Variants in PACRG observed in about 807,000 individuals in gnomAD.
PACRG encodes parkin coregulated gene protein.
In PACRG, 29 loss-of-function variants were observed where a neutral mutation model predicts 29.7. The ratio of observed to expected loss-of-function variants is 0.98; its 90% CI spans 0.73 to 1.33. PACRG has a LOEUF of 1.33. Among genes scored for constraint, PACRG ranks in the 40% most tolerant of loss-of-function variants. The pLI is 0.00. For synonymous variants in PACRG, 116 were observed against 118.7 expected (o/e 0.98, Z 0.15); for missense variants, 279 against 316.2 (o/e 0.88, Z 0.89).
chr6:163,113,813 A>G (rs1470515977), intron 4 of PACRG, among the ~76,000 whole-genome samples: 1 of 152,210 alleles, frequency 6.6e-6, no homozygotes, highest in African/African-American at 2.4e-5. Context: ...ATGTAGAAAT[A>G]AAGGTCTCGG....
intron 1 of PACRG, among the ~76,000 whole-genome samples, chr6:162,793,811 C>T (rs1309470271): frequency 6.6e-6 from 1 of 151,994 alleles, no homozygotes; most frequent in Non-Finnish European, 1.5e-5. Flanking sequence ...AGGGTCATTC[C>T]CCAACTCCAG....
At chr6:163,035,178 T>C (rs1343628545) in intron 2 of PACRG, among the ~76,000 whole-genome samples, 1 of 152,162 alleles carries the variant, frequency 6.6e-6, no homozygotes, top group African/African-American at 2.4e-5. Context: ...GTTTATGACC[T>C]GTATCTTGTG....
chr6:163,213,381 G>A (rs1254273677), intron 4 of PACRG, among the ~76,000 whole-genome samples: 1 of 152,116 alleles, frequency 6.6e-6, no homozygotes, highest in African/African-American at 2.4e-5. Flanking sequence ...AATGCAACAT[G>A]TGATTCTGGA....
At chr6:162,995,376 T>C (rs1803906420) in intron 2 of PACRG, among the ~76,000 whole-genome samples, 1 of 151,872 alleles carries the variant, frequency 6.6e-6, no homozygotes, top group Non-Finnish European at 1.5e-5. Flanking sequence ...CAGACTGCTG[T>C]GCTAGCAATC....
intron 4 of PACRG, among the ~76,000 whole-genome samples, chr6:163,216,702 G>A (rs957743129): frequency 3.3e-5 from 5 of 152,124 alleles, no homozygotes; most frequent in Non-Finnish European, 4.4e-5. Context: ...TACACACAAC[G>A]CAGAGATACA....
At chr6:163,036,916 T>C (rs1249382278) in intron 2 of PACRG, among the ~76,000 whole-genome samples, 2 of 144,744 alleles carry the variant, frequency 1.4e-5, no homozygotes, top group Admixed American at 6.9e-5. Flanking sequence ...ATCCATCCAT[T>C]CACCCAGGTC....
chr6:162,924,030 T>G (rs946347917), intron 2 of PACRG, among the ~76,000 whole-genome samples: 5 of 152,036 alleles, frequency 3.3e-5, no homozygotes, highest in African/African-American at 1.2e-4. Context: ...TATCTTTTCT[T>G]TTTTTGGGGG....
chr6:163,152,501 TA>T (rs1179825001), intron 4 of PACRG, among the ~76,000 whole-genome samples: 4 of 152,210 alleles, frequency 2.6e-5, no homozygotes, highest in Non-Finnish European at 5.9e-5. Context: ...AGCAACATTT[TA>T]AAACCACCTG....
intron 1 of PACRG, among the ~76,000 whole-genome samples, chr6:162,767,754 T>C (rs1782910230): frequency 6.6e-6 from 1 of 152,042 alleles, no homozygotes; most frequent in Non-Finnish European, 1.5e-5. Flanking sequence ...GATTACTTTG[T>C]TACTTATTAT....
chr6:162,913,089 G>A (rs761616317), intron 2 of PACRG, among the ~76,000 whole-genome samples: 3 of 152,234 alleles, frequency 2.0e-5, no homozygotes, highest in East Asian at 1.9e-4. Flanking sequence ...GCTTATTTGT[G>A]TGTTCACATT....
intron 2 of PACRG, among the ~76,000 whole-genome samples, chr6:162,994,144 ACCCGACCTTTCTCTCTGGCT>A (rs1392374582): frequency 2.3e-5 from 3 of 129,680 alleles, no homozygotes; most frequent in Non-Finnish European, 4.7e-5. Flanking sequence ...TTTGAGGGTA[ACCCGACCTTTCTCTCTGGCT>A]GCCCTTAACA....
chr6:162,829,524 T>A (rs888068450), intron 2 of PACRG, among the ~76,000 whole-genome samples: 3 of 152,214 alleles, frequency 2.0e-5, no homozygotes, highest in Non-Finnish European at 4.4e-5. Flanking sequence ...GATATAGGCC[T>A]TTGTGCAGTG....
At chr6:162,897,161 A>G (rs1208024239) in intron 2 of PACRG, among the ~76,000 whole-genome samples, 1 of 152,226 alleles carries the variant, frequency 6.6e-6, no homozygotes, top group African/African-American at 2.4e-5. Context: ...TATTGCTTGC[A>G]TGTGAGAGAA....
At chr6:162,811,855 C>G (rs1342377362) in intron 1 of PACRG, among the ~76,000 whole-genome samples, 1 of 152,048 alleles carries the variant, frequency 6.6e-6, no homozygotes, top group Admixed American at 6.5e-5. Flanking sequence ...TTGATTTTTT[C>G]AGCTCCAATA....
intron 4 of PACRG, among the ~76,000 whole-genome samples, chr6:163,219,619 C>A (rs530299000): frequency 6.7e-4 from 102 of 151,888 alleles, no homozygotes; most frequent in Non-Finnish European, 1.1e-3. Context: ...GTCAGCCTGC[C>A]TTTCCCACCT....
At chr6:163,093,328 G>A (rs1168697539) in intron 4 of PACRG, among the ~76,000 whole-genome samples, 1 of 152,158 alleles carries the variant, frequency 6.6e-6, no homozygotes, top group Admixed American at 6.5e-5. Context: ...CTGCTTTGAG[G>A]GGAAAGAAAG....
intron 4 of PACRG, among the ~76,000 whole-genome samples, chr6:163,155,651 A>T (rs1170389670): frequency 6.6e-6 from 1 of 152,232 alleles, no homozygotes; most frequent in Non-Finnish European, 1.5e-5. Context: ...TAAGAAGTTC[A>T]TTTAAAATAT....
chr6:163,113,609 A>C (rs1815828246), intron 4 of PACRG, among the ~76,000 whole-genome samples: 1 of 152,108 alleles, frequency 6.6e-6, no homozygotes, highest in Non-Finnish European at 1.5e-5. Flanking sequence ...AAGGAAAAAC[A>C]AAACAAACAA....
intron 4 of PACRG, among the ~76,000 whole-genome samples, chr6:163,192,231 A>T (rs984940486): frequency 6.6e-6 from 1 of 152,232 alleles, no homozygotes; most frequent in Non-Finnish European, 1.5e-5. Context: ...GAATACCAAC[A>T]TTCTTGCAAA....
Sources: gnomAD v4.1 joint callset for allele counts (sites outside exome capture counted in the v4.1 genomes callset) on GRCh38, gnomAD v4.1.1 for gene constraint, MANE v1.5 for transcripts, NCBI Gene and HGNC (gene_info 2026-07-23, HGNC 2026-07-21) for gene names.